The following CACNA1G variants were observed in gnomAD, a reference collection of about 807,000 sequenced individuals.
CACNA1G encodes the protein calcium voltage-gated channel subunit alpha1 G, also known as voltage-dependent T-type calcium channel subunit alpha-1G.
In CACNA1G, 67 loss-of-function variants were observed where a neutral mutation model predicts 219.4. The ratio of observed to expected loss-of-function variants is 0.31; its 90% CI spans 0.25 to 0.37. The LOEUF is 0.37. Among genes scored for constraint, CACNA1G ranks in the 10% least tolerant of loss-of-function variants. CACNA1G has a pLI of 1.00. For missense variants in CACNA1G, 2,380 were observed against 3,231.4 expected, an observed-to-expected ratio of 0.74 and a Z score of 6.39; for synonymous variants, 1,296 against 1,345.3, an observed-to-expected ratio of 0.96 and a Z score of 0.80.
chr17:50,595,182 G>C, intron 14 of CACNA1G, 121 bp downstream of exon 14: 3 of 734,578 alleles, frequency 4.1e-6, no homozygotes, highest in Non-Finnish European at 6.9e-6. Context: ...TCATAGCCGT[G>C]ATGGTCATTG....
chr17:50,582,585 G>A (rs1026338972), intron 9 of CACNA1G, among the ~76,000 whole-genome samples: 1 of 152,156 alleles, frequency 6.6e-6, no homozygotes, highest in Admixed American at 6.5e-5. Flanking sequence ...AAAAGAAGTT[G>A]CCTTCTCTTC....
At chr17:50,565,031 C>T (rs868734429) in intron 1 of CACNA1G, among the ~76,000 whole-genome samples, 98 of 152,128 alleles carry the variant, frequency 6.4e-4, no homozygotes, top group Middle Eastern at 3.4e-3. Context: ...CAGCCCCCCC[C>T]ACCCTCGCCT....
intron 10 of CACNA1G, 75 bp from the exon 11 acceptor site, chr17:50,591,360 T>C (rs1458921544): frequency 1.4e-6 from 2 of 1,398,296 alleles, no homozygotes; most frequent in Non-Finnish European, 1.9e-6. Flanking sequence ...CCTTGGGTGC[T>C]ACTGAGTCCT....
chr17:50,567,623 TC>T (rs766111892), intron 1 of CACNA1G, among the ~76,000 whole-genome samples: 10 of 151,870 alleles, frequency 6.6e-5, no homozygotes, highest in Non-Finnish European at 1.2e-4. Context: ...CCACAATACC[TC>T]CCCCATCCCC....
At position 50,621,910 on chromosome 17, in the gene CACNA1G, C is replaced by A; in HGVS notation, c.6060+116C>A. On this transcript the variant is annotated intron_variant, in intron 35 of 37. Coordinates refer to ENST00000359106, the MANE Select transcript of CACNA1G (RefSeq NM_018896.5). This position sits in a 1 kb window ranked among gnomAD's most constrained non-coding sequence, Gnocchi z 4.6. ...CGCCTCCTCTCAGTTTGCTGCCAGGCTCCACCCAGAGGCATCAACTGTCAG... is the reference window on the plus strand; with the variant it reads ...CGCCTCCTCTCAGTTTGCTGCCAGGATCCACCCAGAGGCATCAACTGTCAG... The A allele has an allele frequency of 7.7e-6, 9 of 1,169,300 alleles. No individual in the cohort carries two copies. Among genetic ancestry groups the A allele is most frequent in the Non-Finnish European group, 9.8e-6 (8 of 818,904 alleles). 72.4% of individuals were successfully genotyped at this position (1,169,300 alleles called of 1,614,324 possible). A position where few individuals can be genotyped will look rare whatever the true frequency, so the allele number is the denominator to read the frequency against.
Position 50,618,297 on chromosome 17 carries a change from C to T in CACNA1G, c.5381C>T (p.Thr1794Ile). The change falls in exon 32 of 38, where the codon ACC (threonine) becomes ATC (isoleucine). Residue 1794 changes from threonine to isoleucine, a missense_variant. Physicochemically the swap from Thr to Ile is moderately conservative, Grantham distance 89. Coordinates refer to ENST00000359106, the MANE Select transcript of CACNA1G (RefSeq NM_018896.5). This position sits in a 1 kb window ranked among gnomAD's most constrained non-coding sequence, Gnocchi z 5.3. ...TFRNFGMAFL[T>I]LFRVSTGDNW... ...CGGAACTTTGGCATGGCCTTCCTAA[C>T]CCTCTTCCGAGTCTCCACAGGTGAC... The T allele has an allele frequency of 6.2e-7, 1 of 1,613,906 alleles. No homozygotes were observed. Among genetic ancestry groups the T allele is most frequent in the Non-Finnish European group, 8.5e-7 (1 of 1,179,840 alleles).
intron 8 of CACNA1G, among the ~76,000 whole-genome samples, chr17:50,576,971 G>A (rs1184748182): frequency 6.6e-6 from 1 of 152,206 alleles, no homozygotes; most frequent in Non-Finnish European, 1.5e-5. Context: ...GGGACGTCGG[G>A]CTCTCCCCAG....
rs41280124 is a variant in CACNA1G at position 50,599,666 on chromosome 17, G to A, written c.3497G>A (p.Arg1166Gln). Residue 1166 changes from arginine (R) to glutamine (Q), a missense_variant, in exon 17 of 38, where the codon CGG (arginine) becomes CAG (glutamine). Arg to Gln is a conservative substitution (Grantham distance 43). Transcript: ENST00000359106. ...CATCGCCACAGGGGGTCCCTGGAGC[G>A]GGAGGCCAAGAGTTCCTTTGACCTG... The part of the protein sequence containing the change: ...SDHRHRGSLE[R>Q]EAKSSFDLPD... 44 of 1,612,972 alleles carry A rather than the reference G, an allele frequency of 2.7e-5. No homozygotes were observed. The highest frequency in any genetic ancestry group is 9.3e-5 in the African/African-American group (7 of 74,926).
At chr17:50,580,968 G>A (rs1020096264) in intron 9 of CACNA1G, among the ~76,000 whole-genome samples, 2 of 152,034 alleles carry the variant, frequency 1.3e-5, no homozygotes, top group African/African-American at 4.8e-5. Context: ...AAGGAGATGT[G>A]GGGGGCTGAG....
At position 50,626,875 on chromosome 17, in the gene CACNA1G, C is replaced by A; in HGVS notation, c.*124C>A. 2 of 1,230,274 alleles carry A rather than the reference C, an allele frequency of 1.6e-6. No individual in the cohort carries two copies. Among genetic ancestry groups the A allele is most frequent in the Non-Finnish European group, 2.4e-6 (2 of 835,830 alleles). The allele number at this position is 1,230,274 out of a possible 1,614,324, so 76.2% of individuals were successfully genotyped here. ...AAGGAGGCGGAGGCGCTCCTCCCTG[C>A]CTCAGTGGCTCTGGGTACCTGCAAG... On this transcript the variant is annotated 3_prime_UTR_variant, in exon 38 of 38. Coordinates refer to ENST00000359106, the MANE Select transcript of CACNA1G (RefSeq NM_018896.5). The surrounding 1 kb of genome is among the most constrained non-coding windows in gnomAD (Gnocchi z 4.3).
chr17:50,575,883 TG>T lies in CACNA1G; in HGVS notation c.1483del (p.Val495CysfsTer69). The T allele has an allele frequency of 6.4e-7, 1 of 1,555,830 alleles. No homozygotes were observed. The highest frequency in any genetic ancestry group is 8.7e-7 in the Non-Finnish European group (1 of 1,151,086). On this transcript the variant is annotated frameshift_variant, in exon 8 of 38. Coordinates refer to ENST00000359106, the MANE Select transcript of CACNA1G (RefSeq NM_018896.5). LOFTEE classifies it high-confidence loss of function. Reference sequence around the variant, plus strand: ...CACCGCCGCCTATCCGTCCACCACCTGGTGCACCACCACCACCACCATCACC... The same window carrying T: ...CACCGCCGCCTATCCGTCCACCACCTGTGCACCACCACCACCACCATCACC... ...RSHRRLSVHHLVHHHHHHHHH... is the reference protein window; with the variant it reads ...RSHRRLSVHHXVHHHHHHHHH...
At chr17:50,615,973 T>G (rs1007496088) in intron 27 of CACNA1G, among the ~76,000 whole-genome samples, 6 of 152,220 alleles carry the variant, frequency 3.9e-5, no homozygotes, top group Non-Finnish European at 8.8e-5. Context: ...GAATTTGTAA[T>G]GCACAAGGCC....
At chr17:50,580,027 C>T (rs1004479590) in intron 9 of CACNA1G, among the ~76,000 whole-genome samples, 5 of 152,152 alleles carry the variant, frequency 3.3e-5, no homozygotes, top group African/African-American at 1.2e-4. Flanking sequence ...TGGCCAGGTG[C>T]ACCCCTCCCC....
intron 10 of CACNA1G, 105 bp from the exon 11 acceptor site, chr17:50,591,330 A>T: frequency 1.4e-5 from 16 of 1,168,690 alleles, no homozygotes; most frequent in Non-Finnish European, 1.6e-5. Flanking sequence ...TTTTCTCTCG[A>T]CGTGCCCACC....
rs542754367 is a variant in CACNA1G, at chr17:50,582,258, AG to A, written c.2301+3696del. ...GAGGTGACCTCTGGGCTGAGTCTGAAGGAAGAGTAGGACATAGCCAGTGAAG... is the reference window on the plus strand; with the variant it reads ...GAGGTGACCTCTGGGCTGAGTCTGAAGAAGAGTAGGACATAGCCAGTGAAG... On this transcript the variant is annotated intron_variant, in intron 9 of 37. Coordinates refer to ENST00000359106, the MANE Select transcript of CACNA1G (RefSeq NM_018896.5). Among the ~76,000 whole-genome samples, 240 of 152,334 alleles carry A rather than the reference AG, an allele frequency of 1.6e-3. 1 individual carries two copies. The highest frequency in any genetic ancestry group is 5.3e-3 in the African/African-American group (220 of 41,568).
In CACNA1G at chr17:50,572,787, A is replaced by G. The variant is rs2039741023; in HGVS notation, c.980A>G (p.Glu327Gly). Residue 327 changes from glutamate to glycine, a missense_variant, in exon 6 of 38, where the codon GAG becomes GGG. Coordinates refer to ENST00000359106, the MANE Select transcript of CACNA1G (RefSeq NM_018896.5). ...NQYYTNCSAG[E>G]HNPFKGAINF... ...TACTACACCAACTGCTCAGCGGGGG[A>G]GCACAACCCCTTCAAGGGCGCCATC... is the stretch of plus-strand genomic sequence containing the variant. The G allele has an allele frequency of 6.2e-7, 1 of 1,613,824 alleles. No homozygotes were observed. The highest frequency in any genetic ancestry group is 1.3e-5 in the African/African-American group (1 of 74,918).
chr17:50,602,929 G>A (rs1249308355), intron 20 of CACNA1G, 41 bp downstream of exon 20: 13 of 1,612,798 alleles, frequency 8.1e-6, no homozygotes, highest in African/African-American at 4.0e-5. Context: ...CTGGTTCCTG[G>A]TGGGGGTGGA....
chr17:50,597,056 G>C (rs2045715162), intron 16 of CACNA1G, 133 bp downstream of exon 16: 2 of 883,970 alleles, frequency 2.3e-6, no homozygotes, highest in Non-Finnish European at 3.3e-6. Context: ...GGTGTGCCTG[G>C]ACAAGCCCCT....
chr17:50,617,347 C>T lies in CACNA1G; in HGVS notation c.5022-91C>T. ...GGCTGGACCCGCTGATGTCTGCCCTCCTTTCAAGCCCTGTCTTTCTGTGCC... is the reference window on the plus strand; with the variant it reads ...GGCTGGACCCGCTGATGTCTGCCCTTCTTTCAAGCCCTGTCTTTCTGTGCC... On this transcript the variant is annotated intron_variant, in intron 28 of 37. Transcript: ENST00000359106. The surrounding 1 kb of genome is among the most constrained non-coding windows in gnomAD (Gnocchi z 5.8). 1.3e-5 allele frequency: 19 copies of T among 1,412,990 alleles called. No homozygotes were observed. Among genetic ancestry groups the T allele is most frequent in the Non-Finnish European group, 1.8e-5 (19 of 1,040,082 alleles). 87.5% of individuals were successfully genotyped at this position (1,412,990 alleles called of 1,614,324 possible). A position where few individuals can be genotyped will look rare whatever the true frequency, so the allele number is the denominator to read the frequency against.
Sources: gnomAD v4.1 joint callset for allele counts (sites outside exome capture counted in the v4.1 genomes callset) on GRCh38, gnomAD v4.1.1 for gene constraint, Gnocchi (gnomAD v3.1) non-coding constraint, MANE v1.5 for transcripts, NCBI Gene and HGNC (gene_info 2026-07-23, HGNC 2026-07-21) for gene names.